The following TMEM87B variants were observed in gnomAD, a reference collection of about 807,000 sequenced individuals.
TMEM87B encodes transmembrane protein 87B.
Under a neutral mutation model 80.3 loss-of-function variants are expected in TMEM87B, and 83 were observed. The ratio of observed to expected loss-of-function variants is 1.03; its 90% CI spans 0.87 to 1.24. The LOEUF is 1.24. TMEM87B is among the 50% of genes most tolerant of loss of function. TMEM87B has a pLI of 0.00. For missense variants in TMEM87B, 625 were observed against 674.4 expected (o/e 0.93, Z 0.81); for synonymous variants, 219 against 230.5 (o/e 0.95, Z 0.45).
chr2:112,063,977 G>A (rs1436892033), intron 2 of TMEM87B, among the ~76,000 whole-genome samples, 185 bp from the exon 3 acceptor site: 1 of 152,172 alleles, frequency 6.6e-6, no homozygotes, highest in Non-Finnish European at 1.5e-5. Context: ...GCAGCTTTTG[G>A]TTAACTGTAA....
chr2:112,061,146 C>G (rs1678247566), intron 2 of TMEM87B, among the ~76,000 whole-genome samples: 1 of 152,132 alleles, frequency 6.6e-6, no homozygotes, highest in African/African-American at 2.4e-5. Flanking sequence ...TAGGTAGGGC[C>G]TGTCTTTTCT....
intron 1 of TMEM87B, among the ~76,000 whole-genome samples, chr2:112,057,728 T>C (rs563507772): frequency 1.3e-5 from 2 of 152,270 alleles, no homozygotes; most frequent in African/African-American, 2.4e-5. Flanking sequence ...AACAGATTTA[T>C]GAGTAGATAG....
At chr2:112,090,460 G>GGGTGCAGT (rs765258113) in intron 10 of TMEM87B, among the ~76,000 whole-genome samples, 21 of 152,026 alleles carry the variant, frequency 1.4e-4, no homozygotes, top group Admixed American at 1.1e-3. Context: ...GCCTAGGCTG[G>GGGTGCAGT]GGTGCAGTGG....
At chr2:112,096,313 T>C (rs1206401866) in intron 11 of TMEM87B, among the ~76,000 whole-genome samples, 1 of 152,136 alleles carries the variant, frequency 6.6e-6, no homozygotes, top group African/African-American at 2.4e-5. Context: ...TCTGCAGACC[T>C]CAGGAAAAGA....
rs141397074 is a variant in TMEM87B, at chr2:112,106,161, C to G, written c.1524+86C>G. ...GCTATACGAGTGTCATATTCATTGA[C>G]TCTCAGAAGAACAGTTTTTACTAAG... On this transcript the variant is annotated intron_variant, in intron 16 of 18. Coordinates refer to ENST00000283206, the MANE Select transcript of TMEM87B (RefSeq NM_032824.3). 2,004 of 856,292 alleles carry G rather than the reference C, an allele frequency of 2.3e-3. 37 individuals are homozygous for G. The African/African-American group carries it at 0.031, about 13-fold the overall frequency. The allele number at this position is 856,292 out of a possible 1,614,324, so 53.0% of individuals were successfully genotyped here. A position where few individuals can be genotyped will look rare whatever the true frequency, so the allele number is the denominator to read the frequency against.
intron 6 of TMEM87B, among the ~76,000 whole-genome samples, chr2:112,079,926 C>CT (rs61341379): frequency 0.25 from 21,360 of 84,112 alleles, 4,692 homozygotes; most frequent in Non-Finnish European, 0.3. Flanking sequence ...GGTCCCTTGC[C>CT]TTTTTTTTTT....
intron 10 of TMEM87B, among the ~76,000 whole-genome samples, chr2:112,089,932 C>T (rs1679252503): frequency 6.6e-6 from 1 of 152,228 alleles, no homozygotes; most frequent in Non-Finnish European, 1.5e-5. Context: ...TGCGAAGGCA[C>T]CGCTTGATAT....
At chr2:112,074,627 G>A (rs541069166) in intron 4 of TMEM87B, among the ~76,000 whole-genome samples, 3 of 152,266 alleles carry the variant, frequency 2.0e-5, no homozygotes, top group African/African-American at 4.8e-5. Context: ...GGTTGGGGAA[G>A]TTCTCATGGA....
At chr2:112,096,803 G>A (rs1045845726) in intron 11 of TMEM87B, among the ~76,000 whole-genome samples, 3 of 152,210 alleles carry the variant, frequency 2.0e-5, no homozygotes, top group East Asian at 1.9e-4. Flanking sequence ...TGGGTCTTCC[G>A]TGTTTTTTCC....
chr2:112,087,443 T>C (rs76002319), intron 9 of TMEM87B, among the ~76,000 whole-genome samples: 1 of 152,102 alleles, frequency 6.6e-6, no homozygotes, highest in Non-Finnish European at 1.5e-5. Flanking sequence ...GGTTTTTTTT[T>C]CACTGAGGAA....
intron 8 of TMEM87B, among the ~76,000 whole-genome samples, chr2:112,083,750 T>C (rs1159471451): frequency 6.6e-6 from 1 of 152,224 alleles, no homozygotes; most frequent in African/African-American, 2.4e-5. Context: ...TAGGCCTTGT[T>C]GCTGTTTTAT....
Position 112,081,440 on chromosome 2 carries a change from G to C in TMEM87B, c.760G>C (p.Ala254Pro), listed in dbSNP as rs367763561. ...ATTAAGAATCCAGTTCTGGATTGCA[G>C]CTGTTATTTTTTTGGGAATGCTTGA... ...DILRIQFWIAAVIFLGMLEKA... is the reference protein window; with the variant it reads ...DILRIQFWIAPVIFLGMLEKA... Residue 254 changes from alanine to proline, a missense_variant, in exon 8 of 19, where the codon GCT becomes CCT. Coordinates refer to ENST00000283206, the MANE Select transcript of TMEM87B (RefSeq NM_032824.3). 1 of 1,613,794 alleles carries C rather than the reference G, an allele frequency of 6.2e-7. No homozygotes were observed. The highest frequency in any genetic ancestry group is 8.5e-7 in the Non-Finnish European group (1 of 1,179,944).
intron 5 of TMEM87B, among the ~76,000 whole-genome samples, chr2:112,076,667 T>G (rs1431379620): frequency 1.3e-5 from 2 of 152,116 alleles, no homozygotes; most frequent in Admixed American, 6.5e-5. Context: ...TTGATAATAT[T>G]AAACAATTTA....
At position 112,089,714 on chromosome 2, in the gene TMEM87B, T is replaced by A. The variant is rs758907556; in HGVS notation, c.1028T>A (p.Ile343Asn). 1 of 1,614,064 alleles carries A rather than the reference T, an allele frequency of 6.2e-7. No individual in the cohort carries two copies. Among genetic ancestry groups the A allele is most frequent in the East Asian group, 2.2e-5 (1 of 44,888 alleles). Reference protein sequence around the residue: ...FAAVEGVMRVIGGSNHLAVVL... With the variant: ...FAAVEGVMRVNGGSNHLAVVL... Reference sequence around the variant, plus strand: ...GCTGTTGAAGGCGTGATGAGAGTCATTGGGGTAAAAACTACATTATTCTAC... The same window carrying A: ...GCTGTTGAAGGCGTGATGAGAGTCAATGGGGTAAAAACTACATTATTCTAC... Residue 343 changes from isoleucine to asparagine, a missense_variant, in exon 10 of 19, where the codon ATT becomes AAT. Ile to Asn is a moderately radical substitution (Grantham distance 149). Transcript: ENST00000283206.
Position 112,095,278 on chromosome 2 carries a change from T to TGACTCTGG in TMEM87B, c.1105-1765_1105-1758dup, listed in dbSNP as rs1042166955. On this transcript the variant is annotated intron_variant, in intron 11 of 18. Coordinates refer to ENST00000283206, the MANE Select transcript of TMEM87B (RefSeq NM_032824.3). ...TGGCCAGCCTCCCCCTCTCTCTCCTTGACTCTGGCTTGTGCTGGTGGATAT... is the reference window on the plus strand; with the variant it reads ...TGGCCAGCCTCCCCCTCTCTCTCCTTGACTCTGGGACTCTGGCTTGTGCTGGTGGATAT... The TGACTCTGG allele has an allele frequency of 3.1e-6, 3 of 976,690 alleles. No homozygotes were observed. The African/African-American group carries it at 5.5e-5, about 18-fold the overall frequency. The allele number at this position is 976,690 out of a possible 1,614,324, so 60.5% of individuals were successfully genotyped here.
intron 1 of TMEM87B, among the ~76,000 whole-genome samples, chr2:112,057,859 C>T: frequency 6.9e-6 from 1 of 144,782 alleles, no homozygotes; most frequent in Non-Finnish European, 1.5e-5. Flanking sequence ...CGAAGTTTCG[C>T]TTTTGCTGCC....
chr2:112,111,488 A>C (rs1051443839), intron 17 of TMEM87B, among the ~76,000 whole-genome samples: 1 of 152,230 alleles, frequency 6.6e-6, no homozygotes, highest in African/African-American at 2.4e-5. Flanking sequence ...TGATGTCTTC[A>C]TGAACCATTT....
Position 112,117,195 on chromosome 2 carries a change from TGAAAG to T in TMEM87B, c.*1054_*1058del, listed in dbSNP as rs1304497656. ...TTTAAAATGTAGAATGTTCTAAACTTGAAAGGCAATTGAATGTAGTATGATGAAAA... is the reference window on the plus strand; with the variant it reads ...TTTAAAATGTAGAATGTTCTAAACTTGCAATTGAATGTAGTATGATGAAAA... On this transcript the variant is annotated 3_prime_UTR_variant, in exon 19 of 19. Transcript: ENST00000283206. 1.3e-5 allele frequency: 2 copies of T among 152,220 alleles called. No individual in the cohort carries two copies. The highest frequency in any genetic ancestry group is 2.9e-5 in the Non-Finnish European group (2 of 68,032). 9.4% of individuals were successfully genotyped at this position (152,220 alleles called of 1,614,324 possible).
intron 1 of TMEM87B, among the ~76,000 whole-genome samples, chr2:112,059,637 C>CA (rs1287661319): frequency 1.3e-5 from 2 of 152,168 alleles, no homozygotes; most frequent in African/African-American, 2.4e-5. Context: ...ATCAAAAGTA[C>CA]ATTCAAATTG....
Sources: allele counts gnomAD v4.1 joint callset (sites outside exome capture counted in the v4.1 genomes callset), GRCh38; gene constraint gnomAD v4.1.1; transcripts MANE v1.5; gene names NCBI Gene and HGNC (gene_info 2026-07-23, HGNC 2026-07-21).